Variants in PRKCE observed in about 807,000 individuals in gnomAD.
PRKCE encodes the protein protein kinase C epsilon.
A neutral mutation model predicts 85.4 loss-of-function variants in PRKCE; 16 were observed. That is an observed-to-expected ratio of 0.19 (90% CI 0.13 to 0.28). The LOEUF (loss-of-function observed/expected upper bound fraction) is 0.28, where lower values mean the gene tolerates loss of function less well. Ranked by LOEUF, PRKCE falls within the 10% of genes least tolerant of loss-of-function variation. PRKCE has a pLI of 1.00. For missense variants in PRKCE, 573 were observed against 975.2 expected, an observed-to-expected ratio of 0.59 and a Z score of 5.49; for synonymous variants, 388 against 371.5, an observed-to-expected ratio of 1.04 and a Z score of -0.51.
intron 2 of PRKCE, among the ~76,000 whole-genome samples, chr2:45,906,036 A>G (rs1868388): frequency 0.41 from 62,314 of 152,146 alleles, 13,359 homozygotes; most frequent in South Asian, 0.61. Flanking sequence ...GGTTGGTATC[A>G]TGATAGCATG....
chr2:46,175,952 C>T (rs889790725), intron 14 of PRKCE, among the ~76,000 whole-genome samples: 3 of 152,034 alleles, frequency 2.0e-5, no homozygotes, highest in Admixed American at 6.6e-5. Flanking sequence ...CACCAGGCTG[C>T]CCACCAGAAT....
chr2:46,039,886 T>C (rs887071853), intron 10 of PRKCE, among the ~76,000 whole-genome samples: 6 of 152,132 alleles, frequency 3.9e-5, no homozygotes, highest in African/African-American at 9.7e-5. Flanking sequence ...GTGGGGTTAT[T>C]TGTGGGTCTC....
intron 11 of PRKCE, among the ~76,000 whole-genome samples, chr2:46,093,689 C>G (rs1034391934): frequency 2.0e-5 from 3 of 151,960 alleles, no homozygotes; most frequent in Non-Finnish European, 4.4e-5. Flanking sequence ...AACCATGGCA[C>G]CTAGCCTTAT....
At chr2:45,861,029 A>G (rs941145277) in intron 2 of PRKCE, among the ~76,000 whole-genome samples, 1 of 152,078 alleles carries the variant, frequency 6.6e-6, no homozygotes, top group Non-Finnish European at 1.5e-5. Flanking sequence ...ACTTTTGATG[A>G]TAGGGTGGGG....
intron 1 of PRKCE, among the ~76,000 whole-genome samples, chr2:45,827,335 T>A (rs1039607117): frequency 6.6e-6 from 1 of 152,334 alleles, no homozygotes; most frequent in South Asian, 2.1e-4. Flanking sequence ...GGATAGAAGA[T>A]CATAAATGAA....
At chr2:45,698,212 T>A (rs1185004381) in intron 1 of PRKCE, among the ~76,000 whole-genome samples, 1 of 152,246 alleles carries the variant, frequency 6.6e-6, no homozygotes, top group African/African-American at 2.4e-5. Context: ...TGCAACGTAG[T>A]GATCTACTTT....
chr2:45,838,903 C>G (rs543216262), intron 1 of PRKCE, among the ~76,000 whole-genome samples: 36 of 152,266 alleles, frequency 2.4e-4, no homozygotes, highest in Admixed American at 1.7e-3. Context: ...GACTAAGAAG[C>G]AGAAGACTTG....
intron 2 of PRKCE, among the ~76,000 whole-genome samples, chr2:45,855,650 C>T (rs1467308053): frequency 1.3e-5 from 2 of 152,164 alleles, no homozygotes; most frequent in Admixed American, 1.3e-4. Flanking sequence ...ATCCTTTCAT[C>T]GTGCTTGCTT....
At chr2:45,747,073 C>T (rs1196587032) in intron 1 of PRKCE, among the ~76,000 whole-genome samples, 1 of 152,166 alleles carries the variant, frequency 6.6e-6, no homozygotes, top group South Asian at 2.1e-4. Flanking sequence ...CTTTTGCGTG[C>T]GCTCATCTCA....
At chr2:45,804,384 T>C (rs1398484172) in intron 1 of PRKCE, among the ~76,000 whole-genome samples, 1 of 152,112 alleles carries the variant, frequency 6.6e-6, no homozygotes, top group Non-Finnish European at 1.5e-5. Context: ...TGAATTCCAT[T>C]GAGAGGACCT....
chr2:45,705,044 G>A (rs1440605459), intron 1 of PRKCE, among the ~76,000 whole-genome samples: 1 of 152,140 alleles, frequency 6.6e-6, no homozygotes, highest in Non-Finnish European at 1.5e-5. Flanking sequence ...TAAAGCAGGT[G>A]GAGTACTTCA....
At chr2:45,740,972 C>T (rs1342478043) in intron 1 of PRKCE, among the ~76,000 whole-genome samples, 11 of 152,196 alleles carry the variant, frequency 7.2e-5, no homozygotes, top group Non-Finnish European at 2.9e-5. Context: ...TGATATAAAA[C>T]ATCTGATGAA....
In PRKCE at chr2:46,001,767, A is replaced by T. The variant is rs569994900; in HGVS notation, c.966+221A>T. ...TGGACTGAAAACACAGCAAGCCTCAAGGGTTACGTTTGCCAAAGAAACATA... is the reference window on the plus strand; with the variant it reads ...TGGACTGAAAACACAGCAAGCCTCATGGGTTACGTTTGCCAAAGAAACATA... On this transcript the variant is annotated intron_variant, in intron 7 of 14. Transcript: ENST00000306156. This position sits in a 1 kb window ranked among gnomAD's most constrained non-coding sequence, Gnocchi z 4.4. 2.0e-5 allele frequency among the ~76,000 whole-genome samples: 3 copies of T among 152,226 alleles called. No individual in the cohort carries two copies. The highest frequency in any genetic ancestry group is 4.4e-5 in the Non-Finnish European group (3 of 68,028).
intron 1 of PRKCE, among the ~76,000 whole-genome samples, chr2:45,721,266 C>G (rs925194027): frequency 1.3e-5 from 2 of 152,150 alleles, no homozygotes; most frequent in Non-Finnish European, 2.9e-5. Context: ...AGAGGCAGAG[C>G]TAGGATTCAG....
At chr2:46,140,337 G>A (rs998361879) in intron 11 of PRKCE, among the ~76,000 whole-genome samples, 5 of 152,152 alleles carry the variant, frequency 3.3e-5, no homozygotes, top group South Asian at 2.1e-4. Context: ...ATAGAGTGAC[G>A]TTATAGAATA....
chr2:45,822,724 A>G (rs1429796877), intron 1 of PRKCE, among the ~76,000 whole-genome samples: 1 of 152,142 alleles, frequency 6.6e-6, no homozygotes, highest in African/African-American at 2.4e-5. Flanking sequence ...TCACTCACTG[A>G]GTGAGTTCCA....
At chr2:45,727,353 ATGT>A (rs1681162892) in intron 1 of PRKCE, among the ~76,000 whole-genome samples, 1 of 152,182 alleles carries the variant, frequency 6.6e-6, no homozygotes, top group African/African-American at 2.4e-5. Context: ...CAATGGCGGA[ATGT>A]TGTGTATGTC....
chr2:46,173,774 C>A (rs1215937255), intron 14 of PRKCE, among the ~76,000 whole-genome samples: 1 of 152,204 alleles, frequency 6.6e-6, no homozygotes, highest in East Asian at 1.9e-4. Context: ...TGTCTATAGA[C>A]CCCAGCTAAT....
At chr2:45,893,737 A>T (rs1381211327) in intron 2 of PRKCE, among the ~76,000 whole-genome samples, 1 of 152,002 alleles carries the variant, frequency 6.6e-6, no homozygotes, top group African/African-American at 2.4e-5. Flanking sequence ...TTATTTGCCC[A>T]CTCATTGATC....
Sources: gnomAD v4.1 joint callset for allele counts (sites outside exome capture counted in the v4.1 genomes callset) on GRCh38, gnomAD v4.1.1 for gene constraint, Gnocchi (gnomAD v3.1) non-coding constraint, MANE v1.5 for transcripts, NCBI Gene and HGNC (gene_info 2026-07-23, HGNC 2026-07-21) for gene names.